The following SLC24A2 variants were observed in gnomAD, a reference collection of about 807,000 sequenced individuals.
SLC24A2 encodes the protein sodium/potassium/calcium exchanger 2.
Under a neutral mutation model 62.0 loss-of-function variants are expected in SLC24A2, and 36 were observed. The observed-to-expected ratio is 0.58, with a 90% confidence interval of 0.44 to 0.77. SLC24A2 has a LOEUF of 0.77. Among genes scored for constraint, SLC24A2 ranks in the 30% least tolerant of loss-of-function variants. The pLI, the probability that SLC24A2 is intolerant of heterozygous loss-of-function variation, is 0.00. For missense variants in SLC24A2, 846 were observed against 817.9 expected (o/e 1.03, Z -0.42); for synonymous variants, 358 against 294.0 (o/e 1.22, Z -2.23).
At chr9:19,883,380 A>G in the SLC24A2 span, among the ~76,000 whole-genome samples, 60 of 152,322 alleles carry the variant, frequency 3.9e-4, 1 homozygote, top group South Asian at 1.9e-3. Context: ...TACAAATTTA[A>G]TAGAGATAAG....
the SLC24A2 span, among the ~76,000 whole-genome samples, chr9:19,851,488 C>T: frequency 6.6e-6 from 1 of 152,278 alleles, no homozygotes; most frequent in African/African-American, 2.4e-5. Context: ...CCCCCACACA[C>T]TGCTGACAGG....
chr9:19,698,249 G>A (rs1820250106), intron 2 of SLC24A2, among the ~76,000 whole-genome samples: 2 of 152,052 alleles, frequency 1.3e-5, no homozygotes, highest in African/African-American at 2.4e-5. Context: ...CAGTCAAATT[G>A]CAGCCAAAAC....
the SLC24A2 span, among the ~76,000 whole-genome samples, chr9:20,104,362 C>G: frequency 1.4e-4 from 22 of 152,116 alleles, no homozygotes; most frequent in Non-Finnish European, 2.9e-5. Flanking sequence ...CACAAAGATA[C>G]TCCTCGAGAA....
the SLC24A2 span, among the ~76,000 whole-genome samples, chr9:20,056,892 C>G: frequency 6.6e-6 from 1 of 152,274 alleles, no homozygotes. Context: ...TTAAAAAACC[C>G]CTCTCTTTAC....
chr9:20,210,210 C>G, the SLC24A2 span, among the ~76,000 whole-genome samples: 2 of 152,180 alleles, frequency 1.3e-5, no homozygotes, highest in Admixed American at 6.5e-5. Flanking sequence ...ACACCCGCAC[C>G]TACACACCCA....
the SLC24A2 span, among the ~76,000 whole-genome samples, chr9:19,945,171 A>AAT: frequency 1.3e-5 from 2 of 152,242 alleles, no homozygotes; most frequent in Admixed American, 6.5e-5. Context: ...CGGCTGGGAC[A>AAT]ATTTTATTTG....
At chr9:19,625,608 T>C (rs139472885) in intron 2 of SLC24A2, among the ~76,000 whole-genome samples, 309 of 152,286 alleles carry the variant, frequency 2.0e-3, no homozygotes, top group African/African-American at 7.0e-3. Context: ...ATATGGTGAC[T>C]GCACTTAAAT....
chr9:19,649,150 A>G (rs1818729774), intron 2 of SLC24A2, among the ~76,000 whole-genome samples: 1 of 152,208 alleles, frequency 6.6e-6, no homozygotes, highest in African/African-American at 2.4e-5. Flanking sequence ...GATATTAGCC[A>G]ACTTGTAAAA....
intron 3 of SLC24A2, among the ~76,000 whole-genome samples, chr9:19,619,937 T>C (rs886164194): frequency 3.9e-5 from 6 of 152,364 alleles, no homozygotes; most frequent in South Asian, 2.1e-4. Context: ...CAATGTGTTA[T>C]ATGCTTCACA....
Position 19,516,212 on chromosome 9 carries a change from A to G in SLC24A2, c.1927T>C (p.Phe643Leu). The stretch of plus-strand genomic sequence containing the variant: ...TCTAGGAGAACGCTCACCACCAGGA[A>G]CACAAAGTAGAGGCCAAACATGATG... ...GFIMFGLYFV[F>L]LVVSVLLEDR... The change falls in exon 11 of 11, where the codon TTC (phenylalanine) becomes CTC (leucine). Residue 643 changes from phenylalanine (F) to leucine (L), a missense_variant. Transcript: ENST00000341998. The G allele has an allele frequency of 6.2e-7, 1 of 1,614,236 alleles. No homozygotes were observed. Among genetic ancestry groups the G allele is most frequent in the Non-Finnish European group, 8.5e-7 (1 of 1,180,030 alleles).
the SLC24A2 span, among the ~76,000 whole-genome samples, chr9:19,851,013 A>G: frequency 2.1e-5 from 1 of 48,406 alleles, no homozygotes; most frequent in African/African-American, 7.2e-5. Context: ...ACATACATAT[A>G]TATATATATA....
the SLC24A2 span, among the ~76,000 whole-genome samples, chr9:20,133,210 A>C: frequency 6.6e-6 from 1 of 152,158 alleles, no homozygotes; most frequent in East Asian, 1.9e-4. Context: ...CCTTGTAATA[A>C]ATCATACATG....
rs1823194416 is a variant in SLC24A2, at chr9:19,786,970, T to C, written c.-104A>G. 1.3e-6 allele frequency: 2 copies of C among 1,502,202 alleles called. No homozygotes were observed. Among genetic ancestry groups the C allele is most frequent in the Non-Finnish European group, 1.8e-6 (2 of 1,130,994 alleles). 93.1% of individuals were successfully genotyped at this position (1,502,202 alleles called of 1,614,324 possible). On this transcript the variant is annotated 5_prime_UTR_variant, in exon 2 of 11. Transcript: ENST00000341998. This position sits in a 1 kb window ranked among gnomAD's most constrained non-coding sequence, Gnocchi z 5.0. ...ATAGTTAACGATGCTTGTGGGGTAC[T>C]TTCACAATCAGGGATTGTTATGCTT... is the stretch of plus-strand genomic sequence containing the variant.
At chr9:19,828,105 A>C in the SLC24A2 span, among the ~76,000 whole-genome samples, 1 of 152,154 alleles carries the variant, frequency 6.6e-6, no homozygotes, top group Admixed American at 6.6e-5. Context: ...TTCCATTACA[A>C]GTAGAAGTGC....
intron 2 of SLC24A2, among the ~76,000 whole-genome samples, chr9:19,753,445 C>A (rs913828406): frequency 2.6e-5 from 4 of 152,168 alleles, no homozygotes; most frequent in African/African-American, 9.7e-5. Flanking sequence ...TATTAACATT[C>A]CCAAATAGTT....
the SLC24A2 span, among the ~76,000 whole-genome samples, chr9:20,218,889 T>G: frequency 7.9e-5 from 12 of 152,136 alleles, no homozygotes; most frequent in Non-Finnish European, 1.6e-4. Context: ...CTGCGAGGAA[T>G]GCAGCCTCAT....
At chr9:19,722,285 AT>A (rs1216545270) in intron 2 of SLC24A2, among the ~76,000 whole-genome samples, 2 of 152,126 alleles carry the variant, frequency 1.3e-5, no homozygotes, top group Non-Finnish European at 2.9e-5. Context: ...AGTTTATGGG[AT>A]TATCAATTCT....
the SLC24A2 span, among the ~76,000 whole-genome samples, chr9:20,192,042 T>G: frequency 6.6e-6 from 1 of 152,116 alleles, no homozygotes; most frequent in Admixed American, 6.6e-5. Flanking sequence ...TCAGTTGCAA[T>G]AGGCATGTGG....
chr9:19,677,382 A>G (rs1388268367), intron 2 of SLC24A2, among the ~76,000 whole-genome samples: 1 of 152,206 alleles, frequency 6.6e-6, no homozygotes, highest in African/African-American at 2.4e-5. Context: ...CTAAATGATG[A>G]GAACACATGG....
Sources: gnomAD v4.1 joint callset for allele counts (sites outside exome capture counted in the v4.1 genomes callset) on GRCh38, gnomAD v4.1.1 for gene constraint, Gnocchi (gnomAD v3.1) non-coding constraint, MANE v1.5 for transcripts, NCBI Gene and HGNC (gene_info 2026-07-23, HGNC 2026-07-21) for gene names.